The following CLIC6 variants were observed in gnomAD, a reference collection of about 807,000 sequenced individuals.
CLIC6 encodes CLIC family member 6.
A neutral mutation model predicts 49.2 loss-of-function variants in CLIC6; 39 were observed. The observed-to-expected ratio is 0.79, with a 90% CI of 0.61 to 1.04. The LOEUF is 1.04. Among genes scored for constraint, CLIC6 ranks in the 50% least tolerant of loss-of-function variants. CLIC6 has a pLI of 0.00. For missense variants in CLIC6, 988 were observed against 993.1 expected (o/e 0.99, Z 0.07); for synonymous variants, 446 against 433.4 (o/e 1.03, Z -0.36).
At chr21:34,691,679 T>C (rs1462631934) in intron 1 of CLIC6, among the ~76,000 whole-genome samples, 1 of 152,208 alleles carries the variant, frequency 6.6e-6, no homozygotes, top group Non-Finnish European at 1.5e-5. Flanking sequence ...CACTCTACCA[T>C]TGATCTGGTG....
At chr21:34,691,884 T>C (rs1990002019) in intron 1 of CLIC6, among the ~76,000 whole-genome samples, 1 of 152,252 alleles carries the variant, frequency 6.6e-6, no homozygotes, top group Admixed American at 6.5e-5. Flanking sequence ...GCAAAACTTT[T>C]CAATGAACGT....
intron 1 of CLIC6, chr21:34,706,015 T>TTTTGTA: frequency 2.9e-6 from 2 of 679,162 alleles, no homozygotes; most frequent in Non-Finnish European, 5.4e-6. Context: ...CATTCTTTTC[T>TTTTGTA]TTTGTATTTA....
chr21:34,686,798 C>T (rs763553359), intron 1 of CLIC6, among the ~76,000 whole-genome samples: 4 of 151,850 alleles, frequency 2.6e-5, no homozygotes, highest in Non-Finnish European at 4.4e-5. Context: ...CCAGCCCATC[C>T]GCAAGACACT....
chr21:34,710,995 G>A (rs1005837042), intron 5 of CLIC6, among the ~76,000 whole-genome samples: 5 of 152,120 alleles, frequency 3.3e-5, no homozygotes, highest in Non-Finnish European at 7.4e-5. Context: ...GCTCCCAGCC[G>A]CTCTATCACT....
At chr21:34,698,501 A>G (rs1226691818) in intron 1 of CLIC6, among the ~76,000 whole-genome samples, 2 of 151,628 alleles carry the variant, frequency 1.3e-5, no homozygotes, top group Non-Finnish European at 2.9e-5. Context: ...GAAGGAAGGA[A>G]AGAGGAAGGA....
At position 34,707,290 on chromosome 21, in the gene CLIC6, A is replaced by T. The variant is rs1239527460; in HGVS notation, c.1385A>T (p.Asp462Val). 6 of 1,613,408 alleles carry T rather than the reference A, an allele frequency of 3.7e-6. No individual in the cohort carries two copies. Among genetic ancestry groups the T allele is most frequent in the Non-Finnish European group, 5.1e-6 (6 of 1,179,302 alleles). ...DITLFVKAGYDGESIGNCPFS... is the reference protein window; with the variant it reads ...DITLFVKAGYVGESIGNCPFS... The stretch of plus-strand genomic sequence containing the variant: ...CTTCTCCACTTGTAGGCTGGTTATG[A>T]TGGTGAGAGTATCGGAAATTGCCCG... The change falls in exon 2 of 6, where the codon GAT (aspartate) becomes GTT (valine). Residue 462 changes from aspartate (D) to valine (V), a missense_variant. By Grantham distance (152) the Asp-to-Val change is radical. Transcript: ENST00000349499.
At chr21:34,712,273 A>T (rs1366219059) in intron 5 of CLIC6, among the ~76,000 whole-genome samples, 1 of 152,192 alleles carries the variant, frequency 6.6e-6, no homozygotes, top group Non-Finnish European at 1.5e-5. Flanking sequence ...GTGTGAAGGG[A>T]TTTATAATTT....
In CLIC6 at chr21:34,669,719, G is replaced by A; in HGVS notation, c.331G>A (p.Ala111Thr). 4 of 1,382,870 alleles carry A rather than the reference G, an allele frequency of 2.9e-6. No individual in the cohort carries two copies. Among genetic ancestry groups the A allele is most frequent in the Non-Finnish European group, 2.8e-6 (3 of 1,078,162 alleles). 85.7% of individuals were successfully genotyped at this position (1,382,870 alleles called of 1,614,324 possible). A position where few individuals can be genotyped will look rare whatever the true frequency, so the allele number is the denominator to read the frequency against. ...ETSGAQQVEG[A>T]SPGRGAQGEP... ...AAGCGGCGCGCAGCAGGTGGAGGGG[G>A]CGAGCCCGGGACGCGGCGCGCAGGG... Residue 111 changes from alanine to threonine, a missense_variant, in exon 1 of 6, where the codon GCG becomes ACG. Physicochemically the swap from Ala to Thr is moderately conservative, Grantham distance 58. Around this residue, in one of 3 missense-constraint regions of CLIC6, gnomAD observed 284 missense variants for 278.6 expected, o/e 1.02. Coordinates refer to ENST00000349499, the MANE Select transcript of CLIC6 (RefSeq NM_053277.3).
rs1449767854 is a variant in CLIC6, at chr21:34,670,346, G to A, written c.958G>A (p.Gly320Arg). The change falls in exon 1 of 6, where the codon GGG becomes AGG. Residue 320 changes from glycine to arginine, a missense_variant. Coordinates refer to ENST00000349499, the MANE Select transcript of CLIC6 (RefSeq NM_053277.3). The part of the protein sequence containing the change: ...AIEVAAGESA[G>R]RSPGELAWDA... Reference sequence around the variant, plus strand: ...TGAGGTCGCAGCCGGGGAGAGTGCGGGGCGCAGCCCCGGTGAGCTCGCCTG... The same window carrying A: ...TGAGGTCGCAGCCGGGGAGAGTGCGAGGCGCAGCCCCGGTGAGCTCGCCTG... The A allele has an allele frequency of 6.9e-7, 1 of 1,452,186 alleles. No homozygotes were observed. The highest frequency in any genetic ancestry group is 1.4e-5 in the South Asian group (1 of 69,236). 90.0% of individuals were successfully genotyped at this position (1,452,186 alleles called of 1,614,324 possible).
chr21:34,702,510 G>A (rs148251463), intron 1 of CLIC6, among the ~76,000 whole-genome samples: 4 of 152,294 alleles, frequency 2.6e-5, no homozygotes, highest in East Asian at 1.9e-4. Flanking sequence ...TCCACGAGGG[G>A]TGTTCATCAA....
At chr21:34,707,436 T>TTCACACACAC in intron 2 of CLIC6, 47 bp downstream of exon 2, 1 of 647,958 alleles carries the variant, frequency 1.5e-6, no homozygotes, top group Non-Finnish European at 2.4e-6. Flanking sequence ...CCTAGTTCTC[T>TTCACACACAC]GCACACACAC....
At position 34,670,292 on chromosome 21, in the gene CLIC6, G is replaced by A; in HGVS notation, c.904G>A (p.Gly302Ser). 3 of 1,443,702 alleles carry A rather than the reference G, an allele frequency of 2.1e-6. No homozygotes were observed. Among genetic ancestry groups the A allele is most frequent in the African/African-American group, 1.5e-5 (1 of 66,862 alleles). The allele number at this position is 1,443,702 out of a possible 1,614,324, so 89.4% of individuals were successfully genotyped here. ...GGGTGAGCCGCAGCAATCGGGGGAC[G>A]GCAGCCTCTCGCCCCAGGCCGAGGC... The part of the protein sequence containing the change: ...VSGEPQQSGD[G>S]SLSPQAEAIE... Residue 302 changes from glycine (G) to serine (S), a missense_variant, in exon 1 of 6, where the codon GGC becomes AGC. Gly to Ser is a moderately conservative substitution (Grantham distance 56). Coordinates refer to ENST00000349499, the MANE Select transcript of CLIC6 (RefSeq NM_053277.3).
At chr21:34,675,421 C>T (rs529784256) in intron 1 of CLIC6, among the ~76,000 whole-genome samples, 3 of 152,066 alleles carry the variant, frequency 2.0e-5, no homozygotes, top group Non-Finnish European at 4.4e-5. Context: ...GGGGCTTGGT[C>T]TCCAGGGAGC....
chr21:34,685,552 GT>G (rs1385564215), intron 1 of CLIC6, among the ~76,000 whole-genome samples: 1 of 152,124 alleles, frequency 6.6e-6, no homozygotes, highest in African/African-American at 2.4e-5. Flanking sequence ...TGTTCTCTTT[GT>G]TTTAACTCCG....
chr21:34,676,951 A>G (rs2145797953), intron 1 of CLIC6, among the ~76,000 whole-genome samples: 1 of 151,436 alleles, frequency 6.6e-6, no homozygotes, highest in Admixed American at 6.6e-5. Context: ...GTGTTGATTT[A>G]TAAAGTGGGC....
At chr21:34,679,600 A>G (rs1042817146) in intron 1 of CLIC6, among the ~76,000 whole-genome samples, 13 of 152,212 alleles carry the variant, frequency 8.5e-5, no homozygotes, top group African/African-American at 1.7e-4. Context: ...TCCTCCACCT[A>G]TGAGCCTGTA....
At position 34,714,407 on chromosome 21, in the gene CLIC6, G is replaced by T. The variant is rs145374454; in HGVS notation, c.1900-1914G>T. On this transcript the variant is annotated intron_variant, in intron 5 of 5. Transcript: ENST00000349499. Reference sequence around the variant, plus strand: ...CAGCATCTAAAATTAGTAAATCAAGGCCGGGTGCAGTGGCTCACACCTGTA... The same window carrying T: ...CAGCATCTAAAATTAGTAAATCAAGTCCGGGTGCAGTGGCTCACACCTGTA... Among the ~76,000 whole-genome samples, 1,140 of 152,240 alleles carry T rather than the reference G, an allele frequency of 7.5e-3. 22 individuals carry two copies. The highest frequency in any genetic ancestry group is 0.026 in the African/African-American group (1,072 of 41,532).
At chr21:34,670,895 G>A (rs1023229942) in intron 1 of CLIC6, 133 bp downstream of exon 1, 4 of 1,064,286 alleles carry the variant, frequency 3.8e-6, no homozygotes, top group African/African-American at 1.7e-5. Context: ...TTCCATGCGC[G>A]GGCGGTAGGC....
rs557502428 is a variant in CLIC6, at chr21:34,689,841, C to T, written c.1375-17439C>T. 3.9e-5 allele frequency among the ~76,000 whole-genome samples: 6 copies of T among 152,300 alleles called. No individual in the cohort carries two copies. In the South Asian group the frequency reaches 1.2e-3, roughly 32 times the overall value. ...GGACAACTCCATGTCTTTGTTGGCT[C>T]TCTGATGTTTCCTTGAACGCTTTAT... On this transcript the variant is annotated intron_variant, in intron 1 of 5. Coordinates refer to ENST00000349499, the MANE Select transcript of CLIC6 (RefSeq NM_053277.3).
Sources: gnomAD v4.1 joint callset for allele counts (sites outside exome capture counted in the v4.1 genomes callset) on GRCh38, gnomAD v4.1.1 for gene constraint, gnomAD v4.1.1 regional missense constraint, MANE v1.5 for transcripts, NCBI Gene and HGNC (gene_info 2026-07-23, HGNC 2026-07-21) for gene names.